Variants in CES1 observed in about 807,000 individuals in gnomAD.
CES1 encodes the protein liver carboxylesterase 1.
In CES1, 50 loss-of-function variants were observed where a neutral mutation model predicts 53.0. The ratio of observed to expected loss-of-function variants is 0.94; its 90% CI spans 0.75 to 1.19. The LOEUF is 1.19. CES1 is among the 50% of genes most tolerant of loss of function. The pLI is 0.00. For missense variants in CES1, 534 were observed against 538.0 expected (o/e 0.99, Z 0.07); for synonymous variants, 202 against 210.1 (o/e 0.96, Z 0.33).
intron 3 of CES1, 27 bp from the exon 4 acceptor site, chr16:55,823,710 G>C: frequency 6.2e-7 from 1 of 1,613,812 alleles, no homozygotes; most frequent in Non-Finnish European, 8.5e-7. Flanking sequence ...CAACATACCA[G>C]TTACAGGACA....
intron 9 of CES1, 36 bp downstream of exon 9, chr16:55,812,867 T>A: frequency 6.2e-7 from 1 of 1,612,450 alleles, no homozygotes; most frequent in Middle Eastern, 1.9e-4. Flanking sequence ...CTGATGGGGG[T>A]GGTTGAGTCC....
At chr16:55,810,822 C>T (rs1379597664) in intron 10 of CES1, 105 bp downstream of exon 10, 87 of 1,400,820 alleles carry the variant, frequency 6.2e-5, no homozygotes, top group Non-Finnish European at 8.7e-5. Flanking sequence ...TGGGGGAAAC[C>T]CTGAGGCCCC....
rs1200166538 is a variant in CES1, at chr16:55,829,018, T to C, written c.53-44A>G. The stretch of plus-strand genomic sequence containing the variant: ...TCAGGATGCATCAGAGGCAAAAGGC[T>C]GGACCCAGATTCCAGGTGGAGTTTG... On this transcript the variant is annotated intron_variant, in intron 1 of 13. Coordinates refer to ENST00000360526, the MANE Select transcript of CES1 (RefSeq NM_001025195.2). The C allele has an allele frequency of 5.8e-6, 9 of 1,560,038 alleles. No homozygotes were observed. In the African/African-American group the frequency reaches 9.5e-5, roughly 16 times the overall value.
At chr16:55,827,339 T>C (rs2032459797) in intron 2 of CES1, among the ~76,000 whole-genome samples, 1 of 150,784 alleles carries the variant, frequency 6.6e-6, no homozygotes, top group Admixed American at 6.6e-5. Context: ...AAAAAAGAAC[T>C]CACTGGTCTT....
chr16:55,814,565 A>G (rs1468831275), intron 8 of CES1, among the ~76,000 whole-genome samples: 4 of 152,262 alleles, frequency 2.6e-5, no homozygotes, highest in African/African-American at 9.6e-5. Flanking sequence ...TACTTAGCAC[A>G]GCACCTGGTG....
chr16:55,820,608 C>T, intron 5 of CES1, 129 bp from the exon 6 acceptor site: 1 of 1,462,324 alleles, frequency 6.8e-7, no homozygotes, highest in Non-Finnish European at 9.4e-7. Context: ...AGTGGGCTGA[C>T]CCTCTGCCCA....
chr16:55,832,760 G>A (rs557547233), intron 1 of CES1, among the ~76,000 whole-genome samples: 13 of 152,352 alleles, frequency 8.5e-5, no homozygotes, highest in Admixed American at 3.3e-4. Context: ...GAGGTGGGCC[G>A]GCTGTCGGCC....
Position 55,819,120 on chromosome 16 carries a change from G to A in CES1, c.906+415C>T, listed in dbSNP as rs145554762. Among the ~76,000 whole-genome samples the A allele has an allele frequency of 5.5e-3, 834 of 152,274 alleles. 13 individuals carry two copies. The highest frequency in any genetic ancestry group is 0.019 in the African/African-American group (802 of 41,526). ...TCAGTCTCAGAAAATCTAGAAAACT[G>A]GACCACCACTAGGTCTAATACAGAC... On this transcript the variant is annotated intron_variant, in intron 7 of 13. Transcript: ENST00000360526.
Position 55,819,699 on chromosome 16 carries a change from A to T in CES1, c.802-60T>A. 4.3e-6 allele frequency: 6 copies of T among 1,405,754 alleles called. No individual in the cohort carries two copies. In the South Asian group the frequency reaches 4.6e-5, roughly 11 times the overall value. The allele number at this position is 1,405,754 out of a possible 1,614,324, so 87.1% of individuals were successfully genotyped here. On this transcript the variant is annotated intron_variant, in intron 6 of 13. Transcript: ENST00000360526. ...GCGACATCCCTTCCCTCCATCAAAG[A>T]GGAAAGTGGCATTCTATCCCAAGCC... is the stretch of plus-strand genomic sequence containing the variant.
rs751513668 is a variant in CES1, at chr16:55,819,541, C to A, written c.900G>T (p.Leu300Phe). The change falls in exon 7 of 14, where the codon TTG becomes TTT. Residue 300 changes from leucine (L) to phenylalanine (F), a missense_variant. Physicochemically the swap from Leu to Phe is conservative, Grantham distance 22. Around this residue, in one of 5 missense-constraint regions of CES1, gnomAD observed 269 missense variants for 206.6 expected, o/e 1.30. Transcript: ENST00000360526. ...ACGGGAACAGGCAACCTACCATTTT[C>A]AATGTCGTCTCCAAGAGCTCCTCTT... ...KTEEELLETT[L>F]KMKFLSLDLQ... 6.2e-7 allele frequency: 1 copy of A among 1,612,992 alleles called. No individual in the cohort carries two copies. The highest frequency in any genetic ancestry group is 1.1e-5 in the South Asian group (1 of 91,068).
intron 9 of CES1, among the ~76,000 whole-genome samples, chr16:55,811,404 A>C (rs558424323): frequency 2.1e-4 from 32 of 151,864 alleles, no homozygotes; most frequent in African/African-American, 7.7e-4. Context: ...CCTCCCTAGT[A>C]CCCCCACCTG....
chr16:55,821,537 C>G lies in CES1; in HGVS notation c.540-16G>C, dbSNP rs757291993. On this transcript the variant is annotated splice_polypyrimidine_tract_variant and intron_variant, in intron 4 of 13. Transcript: ENST00000360526. ...ATCCCCTGTGCTGTGAGGAAGAGAA[C>G]AGGTTGAGGGTGGGGAGCAGAGATG... 1.1e-5 allele frequency: 18 copies of G among 1,613,970 alleles called. No homozygotes were observed. In the Admixed American group the frequency reaches 2.8e-4, roughly 25 times the overall value.
chr16:55,814,093 T>C (rs2031827677), intron 8 of CES1, among the ~76,000 whole-genome samples: 1 of 152,250 alleles, frequency 6.6e-6, no homozygotes. Context: ...TATCTGTATT[T>C]AAACAAGAGC....
In CES1 at chr16:55,810,679, A is replaced by G. The variant is rs1417110057; in HGVS notation, c.1171-15T>C. ...TTAGCAATGCACTGAAATAGATCAA[A>G]AAGTGACCACCAGCCCCGGGTGAGC... is the stretch of plus-strand genomic sequence containing the variant. On this transcript the variant is annotated splice_polypyrimidine_tract_variant and intron_variant, in intron 10 of 13. Coordinates refer to ENST00000360526, the MANE Select transcript of CES1 (RefSeq NM_001025195.2). The G allele has an allele frequency of 6.2e-7, 1 of 1,614,016 alleles. No homozygotes were observed. Among genetic ancestry groups the G allele is most frequent in the South Asian group, 1.1e-5 (1 of 91,086 alleles).
intron 9 of CES1, among the ~76,000 whole-genome samples, chr16:55,811,387 A>T (rs2031692860): frequency 6.6e-6 from 1 of 151,970 alleles, no homozygotes; most frequent in African/African-American, 2.4e-5. Context: ...GGGGAAGAGG[A>T]TGTAGACCTC....
chr16:55,823,285 T>A (rs1825365770), intron 4 of CES1, among the ~76,000 whole-genome samples: 1 of 152,150 alleles, frequency 6.6e-6, no homozygotes, highest in Non-Finnish European at 1.5e-5. Flanking sequence ...TGGAGGTAAC[T>A]GGGGGCTGGG....
chr16:55,808,797 T>G (rs2031549447), intron 11 of CES1, among the ~76,000 whole-genome samples: 1 of 152,120 alleles, frequency 6.6e-6, no homozygotes, highest in Non-Finnish European at 1.5e-5. Context: ...TTTGATGAGT[T>G]TGTATCAACA....
chr16:55,821,209 C>A (rs1408872294), intron 5 of CES1, among the ~76,000 whole-genome samples, 159 bp downstream of exon 5: 1 of 148,438 alleles, frequency 6.7e-6, no homozygotes, highest in African/African-American at 2.4e-5. Context: ...GAGAGCTGGT[C>A]TTTAGCTTTC....
intron 11 of CES1, among the ~76,000 whole-genome samples, chr16:55,809,182 T>C (rs1465091433): frequency 2.3e-5 from 3 of 132,528 alleles, no homozygotes; most frequent in African/African-American, 8.7e-5. Flanking sequence ...CATCAGAAAA[T>C]GGAGATGGGA....
Sources: gnomAD v4.1 joint callset for allele counts (sites outside exome capture counted in the v4.1 genomes callset) on GRCh38, gnomAD v4.1.1 for gene constraint, gnomAD v4.1.1 regional missense constraint, MANE v1.5 for transcripts, NCBI Gene and HGNC (gene_info 2026-07-23, HGNC 2026-07-21) for gene names.